Variants in PCDHGA9 observed in about 807,000 individuals in gnomAD.
PCDHGA9 encodes the protein protocadherin gamma-A9.
PCDHGA9 carries 37 observed loss-of-function variants against 62.5 expected under a neutral mutation model. The observed-to-expected ratio is 0.59, with a 90% CI of 0.46 to 0.78. The LOEUF (loss-of-function observed/expected upper bound fraction) is 0.78, where lower values mean the gene tolerates loss of function less well. PCDHGA9 is among the 30% of genes least tolerant of loss of function. PCDHGA9 has a pLI of 0.00. For synonymous variants in PCDHGA9, 459 were observed against 484.6 expected (o/e 0.95, Z 0.69); for missense variants, 1,138 against 1,166.2 (o/e 0.98, Z 0.35).
chr5:141,489,060 TC>T lies in PCDHGA9; in HGVS notation c.2425-5741del, dbSNP rs1037208652. 41 of 300,146 alleles carry T rather than the reference TC, an allele frequency of 1.4e-4. No individual in the cohort carries two copies. The highest frequency in any genetic ancestry group is 2.3e-4 in the Non-Finnish European group (38 of 162,914). The allele number at this position is 300,146 out of a possible 1,614,324, so 18.6% of individuals were successfully genotyped here. A position where few individuals can be genotyped will look rare whatever the true frequency, so the allele number is the denominator to read the frequency against. On this transcript the variant is annotated intron_variant, in intron 1 of 3. Coordinates refer to ENST00000573521, the MANE Select transcript of PCDHGA9 (RefSeq NM_018921.3). This position sits in a 1 kb window ranked among gnomAD's most constrained non-coding sequence, Gnocchi z 4.5. ...CAGCTCCACTCAAATTCAGCTCCCC[TC>T]CCCCCTGCCCACCCCCGCCACTCGG...
Position 141,404,466 on chromosome 5 carries a change from TCTCTATTAA to T in PCDHGA9, c.1518_1526del (p.Ile507_Ser509del). On this transcript the variant is annotated inframe_deletion, in exon 1 of 4. Transcript: ENST00000573521. ...CAAGGGTCTCCTCTCTCCACCTATG[TCTCTATTAA>T]CTCAGACACTGGTGTGCTGTATGCT... is the stretch of plus-strand genomic sequence containing the variant. 3.1e-6 allele frequency: 5 copies of T among 1,613,558 alleles called. No homozygotes were observed. The highest frequency in any genetic ancestry group is 4.2e-6 in the Non-Finnish European group (5 of 1,179,588).
Position 141,477,779 on chromosome 5 carries a change from A to G in PCDHGA9, c.2425-17028A>G, listed in dbSNP as rs781567883. ...CCTAGCCACCAACATCAGCGTGAAC[A>G]TATTTGTCACTGATCGCAATGACAA... On this transcript the variant is annotated intron_variant, in intron 1 of 3. Coordinates refer to ENST00000573521, the MANE Select transcript of PCDHGA9 (RefSeq NM_018921.3). This position sits in a 1 kb window ranked among gnomAD's most constrained non-coding sequence, Gnocchi z 4.9. 5.6e-6 allele frequency: 9 copies of G among 1,613,894 alleles called. No homozygotes were observed. Among genetic ancestry groups the G allele is most frequent in the South Asian group, 5.5e-5 (5 of 91,084 alleles).
At chr5:141,463,650 A>G (rs1206605758) in intron 1 of PCDHGA9, among the ~76,000 whole-genome samples, 1 of 151,746 alleles carries the variant, frequency 6.6e-6, no homozygotes, top group South Asian at 2.1e-4. Flanking sequence ...ACGGGGTTTC[A>G]CCGTGTTAGC....
intron 1 of PCDHGA9, chr5:141,422,160 A>C: frequency 6.4e-7 from 1 of 1,573,304 alleles, no homozygotes; most frequent in South Asian, 1.2e-5. Context: ...TGGATTTTGA[A>C]AAATATAGAT....
rs2094453064 is a variant in PCDHGA9 at position 141,403,769 on chromosome 5, A to G, written c.817A>G (p.Ile273Val). 1 of 1,613,948 alleles carries G rather than the reference A, an allele frequency of 6.2e-7. No homozygotes were observed. Among genetic ancestry groups the G allele is most frequent in the Non-Finnish European group, 8.5e-7 (1 of 1,179,890 alleles). ...AACAGCCAGCGACCTGGATGAGGGA[A>G]TCAACGGAAAAGTGGCATACAAATT... ...TATASDLDEGINGKVAYKFWK... is the reference protein window; with the variant it reads ...TATASDLDEGVNGKVAYKFWK... Residue 273 changes from isoleucine to valine, a missense_variant, in exon 1 of 4, where the codon ATC (isoleucine) becomes GTC (valine). Transcript: ENST00000573521.
chr5:141,407,616 C>T (rs752226894), intron 1 of PCDHGA9, among the ~76,000 whole-genome samples: 3 of 151,970 alleles, frequency 2.0e-5, no homozygotes, highest in Non-Finnish European at 4.4e-5. Flanking sequence ...CATTGGTTGA[C>T]ATTCTATATC....
chr5:141,505,590 A>G, intron 3 of PCDHGA9, 109 bp downstream of exon 3: 1 of 1,571,996 alleles, frequency 6.4e-7, no homozygotes, highest in East Asian at 2.3e-5. Context: ...TAGTTTCTCC[A>G]GATCTTTCGG....
chr5:141,403,501 G>A lies in PCDHGA9; in HGVS notation c.549G>A (p.Gln183=). The change falls in exon 1 of 4, where the codon CAG becomes CAA. Residue 183 remains glutamine, a synonymous_variant. Transcript: ENST00000573521. ...SPNHHFSLNV[Q]TGDNGAINPE... The stretch of plus-strand genomic sequence containing the variant: ...ATCACCACTTCTCCCTGAACGTGCA[G>A]ACTGGAGACAATGGAGCCATAAACC... 1 of 1,614,048 alleles carries A rather than the reference G, an allele frequency of 6.2e-7. No homozygotes were observed. The highest frequency in any genetic ancestry group is 1.1e-5 in the South Asian group (1 of 91,082).
intron 1 of PCDHGA9, chr5:141,422,195 A>G: frequency 6.4e-7 from 1 of 1,562,278 alleles, no homozygotes; most frequent in African/African-American, 1.4e-5. Flanking sequence ...ATTCAAGGCC[A>G]AGATGGTGGA....
rs2097536640 is a variant in PCDHGA9 at position 141,432,779 on chromosome 5, G to C, written c.2424+27403G>C. 3 of 1,614,170 alleles carry C rather than the reference G, an allele frequency of 1.9e-6. No individual in the cohort carries two copies. The highest frequency in any genetic ancestry group is 2.5e-6 in the Non-Finnish European group (3 of 1,180,002). On this transcript the variant is annotated intron_variant, in intron 1 of 3. Coordinates refer to ENST00000573521, the MANE Select transcript of PCDHGA9 (RefSeq NM_018921.3). The surrounding 1 kb of genome is among the most constrained non-coding windows in gnomAD (Gnocchi z 6.0). Reference sequence around the variant, plus strand: ...CGACAGCATCCCCCAAGTCCTGGCGGACCTCGGCAGCCTCGAGTCTCCAGC... The same window carrying C: ...CGACAGCATCCCCCAAGTCCTGGCGCACCTCGGCAGCCTCGAGTCTCCAGC...
intron 1 of PCDHGA9, chr5:141,410,195 G>T (rs769655902): frequency 1.2e-6 from 2 of 1,613,966 alleles, no homozygotes; most frequent in East Asian, 4.5e-5. Context: ...TCTGGTCTTC[G>T]CAGACAACTT....
intron 1 of PCDHGA9, chr5:141,426,675 C>T: frequency 2.3e-6 from 1 of 431,942 alleles, no homozygotes; most frequent in South Asian, 1.6e-5. Flanking sequence ...TAACCCACCT[C>T]ATTTTCCCCA....
intron 1 of PCDHGA9, chr5:141,422,413 GAA>G (rs753790858): frequency 6.2e-7 from 1 of 1,604,644 alleles, no homozygotes; most frequent in South Asian, 1.1e-5. Flanking sequence ...TTTTAAATTA[GAA>G]AAGACTTATG....
chr5:141,410,410 A>G, intron 1 of PCDHGA9: 1 of 1,613,986 alleles, frequency 6.2e-7, no homozygotes, highest in Non-Finnish European at 8.5e-7. Context: ...TCAAGTCTGG[A>G]CCTGTAGTTC....
Position 141,432,084 on chromosome 5 carries a change from TG to T in PCDHGA9, c.2424+26710del. 6.2e-7 allele frequency: 1 copy of T among 1,614,186 alleles called. No homozygotes were observed. Among genetic ancestry groups the T allele is most frequent in the Non-Finnish European group, 8.5e-7 (1 of 1,180,034 alleles). ...ACGGAAACTCATATCTCGCTGAACG[TG>T]GCAGACACCAACGACAACCCGCCGG... On this transcript the variant is annotated intron_variant, in intron 1 of 3. Transcript: ENST00000573521. The surrounding 1 kb of genome is among the most constrained non-coding windows in gnomAD (Gnocchi z 6.0).
At chr5:141,483,648 TTGTGTGTGTG>T (rs111458813) in intron 1 of PCDHGA9, among the ~76,000 whole-genome samples, 35 of 149,708 alleles carry the variant, frequency 2.3e-4, no homozygotes, top group Non-Finnish European at 4.6e-4. Flanking sequence ...GGGTGTGTGT[TTGTGTGTGTG>T]TGTGTGTGTG....
chr5:141,423,864 G>T, intron 1 of PCDHGA9: 4 of 1,284,224 alleles, frequency 3.1e-6, no homozygotes, highest in Non-Finnish European at 3.9e-6. Flanking sequence ...TTTTGTGAAA[G>T]TCATTTTTCA....
chr5:141,415,815 A>G, intron 1 of PCDHGA9: 1 of 1,337,656 alleles, frequency 7.5e-7, no homozygotes, highest in East Asian at 2.7e-5. Context: ...AGGCCTATAT[A>G]TCATAAGGCT....
chr5:141,478,736 T>C (rs2099474016), intron 1 of PCDHGA9: 1 of 1,534,678 alleles, frequency 6.5e-7, no homozygotes, highest in African/African-American at 1.4e-5. Flanking sequence ...GTGTGGTTTG[T>C]GGTCCCATTT....
Sources: allele counts gnomAD v4.1 joint callset (sites outside exome capture counted in the v4.1 genomes callset), GRCh38; gene constraint gnomAD v4.1.1; non-coding constraint Gnocchi (gnomAD v3.1); transcripts MANE v1.5; gene names NCBI Gene and HGNC (gene_info 2026-07-23, HGNC 2026-07-21).